The following DEF6 variants were observed in gnomAD, a reference collection of about 807,000 sequenced individuals.
DEF6 encodes differentially expressed in FDCP 6 homolog.
In DEF6, 32 loss-of-function variants were observed where a neutral mutation model predicts 80.5. That is an observed-to-expected ratio of 0.40 (90% CI 0.30 to 0.53). DEF6 has a LOEUF of 0.53. DEF6 is among the 20% of genes least tolerant of loss of function. The pLI is 0.57. For synonymous variants in DEF6, 300 were observed against 337.9 expected, an observed-to-expected ratio of 0.89 and a Z score of 1.23; for missense variants, 575 against 818.7, an observed-to-expected ratio of 0.70 and a Z score of 3.63.
intron 2 of DEF6, 31 bp from the exon 3 acceptor site, chr6:35,310,428 G>T: frequency 6.2e-7 from 1 of 1,606,580 alleles, no homozygotes. Flanking sequence ...GCTGAGATAT[G>T]CAGTCAGCTG....
Position 35,318,203 on chromosome 6 carries a change from A to G in DEF6, c.947A>G (p.Glu316Gly). Residue 316 changes from glutamate (E) to glycine (G), a missense_variant, in exon 7 of 11, where the codon GAG becomes GGG. Coordinates refer to ENST00000316637, the MANE Select transcript of DEF6 (RefSeq NM_022047.4). The surrounding 1 kb of genome is among the most constrained non-coding windows in gnomAD (Gnocchi z 5.1). ...CAGATGGCGATCCGGCTGCAGGCCG[A>G]GGGGAAGACGTCCCTACACAAGGAC... ...AIQMAIRLQA[E>G]GKTSLHKDLK... 6.3e-7 allele frequency: 1 copy of G among 1,583,306 alleles called. No homozygotes were observed. Among genetic ancestry groups the G allele is most frequent in the Non-Finnish European group, 8.6e-7 (1 of 1,165,996 alleles).
chr6:35,310,484 A>G lies in DEF6; in HGVS notation c.263A>G (p.Glu88Gly). The G allele has an allele frequency of 6.2e-7, 1 of 1,614,012 alleles. No homozygotes were observed. The highest frequency in any genetic ancestry group is 8.5e-7 in the Non-Finnish European group (1 of 1,180,016). ...GTGGAGGAGGGGGCTTTTGTTAAAG[A>G]GCACTTTGATGAGCTGTGCTGGACG... ...DKVEEGAFVK[E>G]HFDELCWTLT... Residue 88 changes from glutamate to glycine, a missense_variant, in exon 3 of 11, where the codon GAG (glutamate) becomes GGG (glycine). Physicochemically the swap from Glu to Gly is moderately conservative, Grantham distance 98 (BLOSUM62 -2). Coordinates refer to ENST00000316637, the MANE Select transcript of DEF6 (RefSeq NM_022047.4).
chr6:35,313,538 T>C (rs1791493146), intron 5 of DEF6, among the ~76,000 whole-genome samples: 1 of 152,258 alleles, frequency 6.6e-6, no homozygotes, highest in South Asian at 2.1e-4. Context: ...TACTGATCTA[T>C]TGAATCCTAG....
In DEF6 at chr6:35,321,558, T is replaced by A. The variant is rs542055007; in HGVS notation, c.*148T>A. The A allele has an allele frequency of 1.5e-6, 1 of 674,290 alleles. No homozygotes were observed. Among genetic ancestry groups the A allele is most frequent in the South Asian group, 2.0e-5 (1 of 49,524 alleles). 41.8% of individuals were successfully genotyped at this position (674,290 alleles called of 1,614,324 possible). Reference sequence around the variant, plus strand: ...CCCTCCAACCATAAACAGTCCAGGATGGAACCTGGTTCACCCTTCATACCA... The same window carrying A: ...CCCTCCAACCATAAACAGTCCAGGAAGGAACCTGGTTCACCCTTCATACCA... On this transcript the variant is annotated 3_prime_UTR_variant, in exon 11 of 11. Coordinates refer to ENST00000316637, the MANE Select transcript of DEF6 (RefSeq NM_022047.4).
intron 5 of DEF6, chr6:35,317,514 A>G (rs1791536120): frequency 6.1e-6 from 1 of 164,648 alleles, no homozygotes; most frequent in Admixed American, 6.3e-5. Flanking sequence ...CTCCAAAAAC[A>G]TCTGCGGAAT....
chr6:35,310,128 C>T (rs1328924551), intron 2 of DEF6, among the ~76,000 whole-genome samples: 1 of 152,188 alleles, frequency 6.6e-6, no homozygotes, highest in African/African-American at 2.4e-5. Flanking sequence ...TCCCCCTGAA[C>T]TCCCCCTCCA....
At chr6:35,311,966 GA>G (rs1791474238) in intron 3 of DEF6, among the ~76,000 whole-genome samples, 1 of 152,182 alleles carries the variant, frequency 6.6e-6, no homozygotes, top group Non-Finnish European at 1.5e-5. Flanking sequence ...TGAGTGATTG[GA>G]TGAGAGGGCC....
chr6:35,303,113 G>C (rs967517616), intron 1 of DEF6, among the ~76,000 whole-genome samples: 2 of 152,034 alleles, frequency 1.3e-5, no homozygotes, highest in Non-Finnish European at 2.9e-5. Flanking sequence ...GGTCGGCCCA[G>C]CTCTCTGGAG....
chr6:35,304,002 A>G (rs1447872751), intron 1 of DEF6, among the ~76,000 whole-genome samples: 4 of 152,120 alleles, frequency 2.6e-5, no homozygotes, highest in African/African-American at 9.7e-5. Context: ...TGTTGGTGGC[A>G]GGCACCTGTA....
Position 35,321,563 on chromosome 6 carries a change from C to G in DEF6, c.*153C>G. 1.6e-6 allele frequency: 1 copy of G among 642,810 alleles called. No homozygotes were observed. The highest frequency in any genetic ancestry group is 2.6e-6 in the Non-Finnish European group (1 of 379,332). 39.8% of individuals were successfully genotyped at this position (642,810 alleles called of 1,614,324 possible). A position where few individuals can be genotyped will look rare whatever the true frequency, so the allele number is the denominator to read the frequency against. ...CAACCATAAACAGTCCAGGATGGAA[C>G]CTGGTTCACCCTTCATACCAGCTCC... On this transcript the variant is annotated 3_prime_UTR_variant, in exon 11 of 11. Coordinates refer to ENST00000316637, the MANE Select transcript of DEF6 (RefSeq NM_022047.4).
chr6:35,298,843 C>G (rs1203115820), intron 1 of DEF6, among the ~76,000 whole-genome samples: 3 of 152,156 alleles, frequency 2.0e-5, no homozygotes, highest in Admixed American at 2.0e-4. Context: ...GTTCACTCTG[C>G]AAGTACTTGA....
At chr6:35,301,326 G>A (rs1791311411) in intron 1 of DEF6, among the ~76,000 whole-genome samples, 1 of 152,170 alleles carries the variant, frequency 6.6e-6, no homozygotes, top group Non-Finnish European at 1.5e-5. Flanking sequence ...AGGGGAGGAT[G>A]ATTTAATGAT....
At chr6:35,315,674 G>A (rs1057377354) in intron 5 of DEF6, among the ~76,000 whole-genome samples, 23 of 151,738 alleles carry the variant, frequency 1.5e-4, no homozygotes, top group Admixed American at 2.6e-4. Context: ...TGGTTACATC[G>A]ATTCTTAGGT....
At chr6:35,308,995 C>T (rs893205471) in intron 1 of DEF6, among the ~76,000 whole-genome samples, 1 of 152,186 alleles carries the variant, frequency 6.6e-6, no homozygotes, top group African/African-American at 2.4e-5. Flanking sequence ...ACCACTATCC[C>T]TTCTAAGCCT....
In DEF6 at chr6:35,317,953, T is replaced by C; in HGVS notation, c.870T>C (p.Tyr290=). ...MFCVKTANRT[Y]EMSASDTRQR... ...GTGTGAAGACAGCCAACCGCACGTATGAGATGAGCGCCTCAGACACGCGCC... is the reference window on the plus strand; with the variant it reads ...GTGTGAAGACAGCCAACCGCACGTACGAGATGAGCGCCTCAGACACGCGCC... Residue 290 remains tyrosine (Y), a synonymous_variant, in exon 6 of 11, where the codon TAT becomes TAC. Transcript: ENST00000316637. The C allele has an allele frequency of 6.2e-7, 1 of 1,613,898 alleles. No homozygotes were observed. The highest frequency in any genetic ancestry group is 1.1e-5 in the South Asian group (1 of 91,068).
In DEF6 at chr6:35,318,629, C is replaced by A. The variant is rs1791552256; in HGVS notation, c.1215+158C>A. ...AAATGAGGGATTGTTGGGACAGAGT[C>A]CGCGGGTTTGAAAAAGAGATTTGGG... On this transcript the variant is annotated intron_variant, in intron 7 of 10. Coordinates refer to ENST00000316637, the MANE Select transcript of DEF6 (RefSeq NM_022047.4). This position sits in a 1 kb window ranked among gnomAD's most constrained non-coding sequence, Gnocchi z 5.1. 6.6e-6 allele frequency among the ~76,000 whole-genome samples: 1 copy of A among 152,054 alleles called. No homozygotes were observed. Among genetic ancestry groups the A allele is most frequent in the African/African-American group, 2.4e-5 (1 of 41,388 alleles).
chr6:35,306,487 G>T (rs1355012055), intron 1 of DEF6, among the ~76,000 whole-genome samples: 1 of 151,468 alleles, frequency 6.6e-6, no homozygotes, highest in African/African-American at 2.4e-5. Context: ...CTCCAGCCTG[G>T]GCAACAAGAG....
intron 9 of DEF6, 23 bp from the exon 10 acceptor site, chr6:35,320,861 C>T (rs768084892): frequency 6.3e-7 from 1 of 1,590,668 alleles, no homozygotes; most frequent in Non-Finnish European, 8.6e-7. Flanking sequence ...TCTGATCACT[C>T]CCCACTGGCC....
chr6:35,306,772 C>T (rs1212573151), intron 1 of DEF6, among the ~76,000 whole-genome samples: 1 of 152,216 alleles, frequency 6.6e-6, no homozygotes, highest in Non-Finnish European at 1.5e-5. Context: ...CTTTCAATGT[C>T]TGTTCATATA....
Sources: allele counts gnomAD v4.1 joint callset (sites outside exome capture counted in the v4.1 genomes callset), GRCh38; gene constraint gnomAD v4.1.1; non-coding constraint Gnocchi (gnomAD v3.1); transcripts MANE v1.5; gene names NCBI Gene and HGNC (gene_info 2026-07-23, HGNC 2026-07-21).